NRG1: variants seen among roughly 807,000 people sequenced by gnomAD.
NRG1 encodes neuregulin 1, also known as pro-neuregulin-1, membrane-bound isoform.
NRG1 carries 18 observed loss-of-function variants against 63.8 expected under a neutral mutation model. The observed-to-expected ratio is 0.28, with a 90% CI of 0.19 to 0.42. NRG1 has a LOEUF of 0.42. Among genes scored for constraint, NRG1 ranks in the 10% least tolerant of loss-of-function variants. NRG1 has a pLI of 1.00. For synonymous variants in NRG1, 302 were observed against 301.3 expected (o/e 1.00, Z -0.02); for missense variants, 762 against 814.7 (o/e 0.94, Z 0.79).
chr8:32,044,299 C>T (rs1317259042), intron 1 of NRG1, among the ~76,000 whole-genome samples: 5 of 151,772 alleles, frequency 3.3e-5, no homozygotes, highest in African/African-American at 9.7e-5. Context: ...CATCAAAATA[C>T]GTGAAGTAGA....
intron 5 of NRG1, among the ~76,000 whole-genome samples, chr8:32,664,751 A>G (rs1803717691): frequency 6.6e-6 from 1 of 152,166 alleles, no homozygotes; most frequent in South Asian, 2.1e-4. Context: ...CACTGAACTA[A>G]TTGAATGCGG....
At chr8:32,359,098 T>C (rs1370176975) in intron 1 of NRG1, among the ~76,000 whole-genome samples, 1 of 152,144 alleles carries the variant, frequency 6.6e-6, no homozygotes, top group African/African-American at 2.4e-5. Flanking sequence ...ACAATTACTA[T>C]AATATTTACA....
At chr8:32,623,233 G>C (rs570132388) in intron 5 of NRG1, among the ~76,000 whole-genome samples, 1 of 152,272 alleles carries the variant, frequency 6.6e-6, no homozygotes, top group South Asian at 2.1e-4. Flanking sequence ...ACCAGATCTG[G>C]GTGGTCCATT....
chr8:32,768,353 A>G (rs1245812916), downstream of NRG1, among the ~76,000 whole-genome samples: 1 of 152,224 alleles, frequency 6.6e-6, no homozygotes, highest in Non-Finnish European at 1.5e-5. Context: ...CACGAAAGGT[A>G]ACGAAAAATG....
intron 1 of NRG1, among the ~76,000 whole-genome samples, chr8:32,499,552 T>C (rs764484417): frequency 5.3e-5 from 8 of 152,142 alleles, no homozygotes; most frequent in Non-Finnish European, 1.2e-4. Flanking sequence ...TATGCACCTG[T>C]GGTACCAACT....
intron 1 of NRG1, among the ~76,000 whole-genome samples, chr8:32,291,009 G>A (rs912303321): frequency 3.3e-5 from 5 of 152,064 alleles, no homozygotes; most frequent in Non-Finnish European, 5.9e-5. Context: ...TGTAGTTCCC[G>A]TATGAAAGCC....
intron 1 of NRG1, among the ~76,000 whole-genome samples, chr8:32,442,933 C>CT (rs34691635): frequency 4.1e-4 from 60 of 146,610 alleles, no homozygotes; most frequent in African/African-American, 4.2e-4. Flanking sequence ...GAAAGTATGT[C>CT]TTTTTTTTTT....
intron 1 of NRG1, among the ~76,000 whole-genome samples, chr8:31,780,208 GA>G (rs2131609673): frequency 6.6e-6 from 1 of 152,304 alleles, no homozygotes; most frequent in African/African-American, 2.4e-5. Context: ...GCCACATCTT[GA>G]GAAATAATTT....
intron 7 of NRG1, among the ~76,000 whole-genome samples, chr8:32,743,669 T>G (rs1420078380): frequency 6.7e-6 from 1 of 150,014 alleles, no homozygotes; most frequent in African/African-American, 2.4e-5. Context: ...TTGAACATCA[T>G]TCCTAAAAGA....
At chr8:32,361,367 T>C (rs1397613699) in intron 1 of NRG1, among the ~76,000 whole-genome samples, 1 of 152,062 alleles carries the variant, frequency 6.6e-6, no homozygotes, top group Admixed American at 6.6e-5. Flanking sequence ...CCCCTGACCT[T>C]AAGCTTGCAG....
At chr8:32,539,597 T>G (rs1011515295) in intron 1 of NRG1, among the ~76,000 whole-genome samples, 64 of 152,326 alleles carry the variant, frequency 4.2e-4, no homozygotes, top group African/African-American at 1.5e-3. Context: ...TCTTTGGGCA[T>G]GTTTAGTTTC....
intron 3 of NRG1, among the ~76,000 whole-genome samples, chr8:32,609,548 CTCCCTCCT>C (rs1393042271): frequency 7.7e-6 from 1 of 130,614 alleles, no homozygotes; most frequent in Admixed American, 7.9e-5. Context: ...ATTTCCTTCC[CTCCCTCCT>C]TCCTTCCTTC....
intron 1 of NRG1, among the ~76,000 whole-genome samples, chr8:31,998,244 TAA>T (rs1812339482): frequency 6.6e-6 from 1 of 152,022 alleles, no homozygotes; most frequent in Non-Finnish European, 1.5e-5. Flanking sequence ...CATAAAGATA[TAA>T]GTCTTGAGAC....
At position 32,278,326 on chromosome 8, in the gene NRG1, A is replaced by T. The variant is rs1482611864; in HGVS notation, c.38-317502A>T. Among the ~76,000 whole-genome samples the T allele has an allele frequency of 2.0e-5, 3 of 151,010 alleles. No homozygotes were observed. The East Asian group carries it at 5.9e-4, about 30-fold the overall frequency. ...TGAAAAATAGAGCAATTTGGGGGGA[A>T]AAAAAGTTGAGAAACCCCAATCTTC... is the stretch of plus-strand genomic sequence containing the variant. On this transcript the variant is annotated intron_variant, in intron 1 of 10. Transcript: ENST00000519301.
rs73577953 is a variant in NRG1, at chr8:32,448,153, T to C, written c.38-147675T>C. Among the ~76,000 whole-genome samples the C allele has an allele frequency of 3.8e-3, 578 of 152,294 alleles. 7 individuals are homozygous for C. Among genetic ancestry groups the C allele is most frequent in the African/African-American group, 0.013 (557 of 41,568 alleles). ...TTATATGCAACACCATAGAAGCAAT[T>C]GTTAAATCATTGTTACTTTTAATAT... On this transcript the variant is annotated intron_variant, in intron 1 of 10. Transcript: ENST00000519301.
chr8:32,491,342 T>G (rs1482217379), intron 1 of NRG1, among the ~76,000 whole-genome samples: 1 of 152,190 alleles, frequency 6.6e-6, no homozygotes, highest in East Asian at 1.9e-4. Context: ...AGATACACCT[T>G]TGAATCTATT....
intron 1 of NRG1, among the ~76,000 whole-genome samples, chr8:31,855,404 A>G (rs1380166677): frequency 1.3e-5 from 2 of 151,934 alleles, no homozygotes; most frequent in Non-Finnish European, 2.9e-5. Flanking sequence ...GTTGGTTTAA[A>G]GTCTGTTTTA....
chr8:31,649,367 T>A (rs1804619513), intron 1 of NRG1, among the ~76,000 whole-genome samples: 1 of 152,186 alleles, frequency 6.6e-6, no homozygotes, highest in Non-Finnish European at 1.5e-5. Flanking sequence ...TTTTTCCACA[T>A]CCTCCCTCAC....
intron 1 of NRG1, among the ~76,000 whole-genome samples, chr8:31,745,320 T>C (rs1001584936): frequency 1.3e-5 from 2 of 151,732 alleles, no homozygotes; most frequent in African/African-American, 2.4e-5. Flanking sequence ...ATCTGATGAG[T>C]TCAAAGTGCT....
Sources: allele counts gnomAD v4.1 joint callset (sites outside exome capture counted in the v4.1 genomes callset), GRCh38; gene constraint gnomAD v4.1.1; transcripts MANE v1.5; gene names NCBI Gene and HGNC (gene_info 2026-07-23, HGNC 2026-07-21).